LYST: variants seen among roughly 807,000 people sequenced by gnomAD.
The protein encoded by LYST is lysosomal-trafficking regulator.
Under a neutral mutation model 413.6 loss-of-function variants are expected in LYST, and 192 were observed. That is an observed-to-expected ratio of 0.46 (90% CI 0.41 to 0.52). The LOEUF (loss-of-function observed/expected upper bound fraction) is 0.52. LYST is among the 20% of genes least tolerant of loss of function. LYST has a pLI of 0.00. For synonymous variants in LYST, 1,525 were observed against 1,567.3 expected, an observed-to-expected ratio of 0.97 and a Z score of 0.64; for missense variants, 3,815 against 4,499.9, an observed-to-expected ratio of 0.85 and a Z score of 4.35.
intron 25 of LYST, among the ~76,000 whole-genome samples, chr1:235,754,234 T>C (rs575921123): frequency 2.0e-4 from 29 of 143,216 alleles, no homozygotes; most frequent in East Asian, 3.9e-4. Flanking sequence ...CTTTTCTTTT[T>C]TTTTTTTTTT....
intron 49 of LYST, 60 bp downstream of exon 49, chr1:235,677,420 A>C: frequency 6.5e-7 from 1 of 1,542,942 alleles, no homozygotes; most frequent in Non-Finnish European, 9.0e-7. Context: ...TATCTATTTC[A>C]TATAGTAAAA....
At chr1:235,821,076 T>C (rs1270059508) in intron 3 of LYST, among the ~76,000 whole-genome samples, 3 of 152,242 alleles carry the variant, frequency 2.0e-5, no homozygotes, top group Non-Finnish European at 4.4e-5. Flanking sequence ...ATTTAAAACA[T>C]AATATCAAAT....
intron 31 of LYST, chr1:235,737,929 CT>C: frequency 8.5e-7 from 1 of 1,173,404 alleles, no homozygotes; most frequent in Non-Finnish European, 1.1e-6. Flanking sequence ...CTGGATCTCA[CT>C]GCCGCGTGCC....
chr1:235,687,610 G>C (rs768493075), intron 47 of LYST, among the ~76,000 whole-genome samples: 1 of 152,118 alleles, frequency 6.6e-6, no homozygotes, highest in Non-Finnish European at 1.5e-5. Flanking sequence ...ACTCAGGTTT[G>C]AGTCAATTTT....
chr1:235,856,910 C>G (rs909401459), intron 1 of LYST, among the ~76,000 whole-genome samples: 1 of 150,330 alleles, frequency 6.7e-6, no homozygotes, highest in Admixed American at 6.6e-5. Context: ...TGGATATAAG[C>G]AGCTCTTACA....
intron 42 of LYST, chr1:235,713,167 T>TA (rs1380007673): frequency 2.0e-5 from 20 of 983,370 alleles, no homozygotes; most frequent in South Asian, 9.4e-5. Context: ...GGCTGGCCAC[T>TA]AAAAAAAATC....
Position 235,813,055 on chromosome 1 carries a change from T to C in LYST, c.199A>G (p.Thr67Ala). The C allele has an allele frequency of 6.4e-7, 1 of 1,572,286 alleles. No homozygotes were observed. Among genetic ancestry groups the C allele is most frequent in the Non-Finnish European group, 8.8e-7 (1 of 1,142,036 alleles). ...AGAGTCAGGAGTTCTTCTCTACATG[T>C]CAATGCCTATGTCAGTAACAAAAGA... ...KLNSIIDQAL[T>A]CREELLTLLL... Residue 67 changes from threonine (T) to alanine (A), a missense_variant, in exon 4 of 53, where the codon ACA (threonine) becomes GCA (alanine). This residue lies in a region of LYST where 1,648 missense variants were observed against 1,810.3 expected (regional missense o/e 0.91). Coordinates refer to ENST00000389793, the MANE Select transcript of LYST (RefSeq NM_000081.4).
chr1:235,757,633 T>C lies in LYST; in HGVS notation c.6882-175A>G, dbSNP rs142612856. On this transcript the variant is annotated intron_variant, in intron 23 of 52. Coordinates refer to ENST00000389793, the MANE Select transcript of LYST (RefSeq NM_000081.4). ...ACAAATTTACCATCACTTTTTATCA[T>C]TGATTTTTTTGGGCATATAGTCTAC... 1.1e-4 allele frequency among the ~76,000 whole-genome samples: 16 copies of C among 152,346 alleles called. No individual in the cohort carries two copies. In the East Asian group the frequency reaches 1.4e-3, roughly 13 times the overall value.
At chr1:235,765,127 A>G (rs894764885) in intron 21 of LYST, among the ~76,000 whole-genome samples, 10 of 152,078 alleles carry the variant, frequency 6.6e-5, no homozygotes, top group Admixed American at 5.9e-4. Flanking sequence ...TTCCTTCTTC[A>G]TGCTGTAACC....
chr1:235,738,491 T>A, intron 31 of LYST: 1 of 1,612,304 alleles, frequency 6.2e-7, no homozygotes, highest in Non-Finnish European at 8.5e-7. Context: ...GTGGTTGCAA[T>A]CTGGACTCAG....
chr1:235,691,944 C>T (rs1398052450), intron 47 of LYST, among the ~76,000 whole-genome samples: 1 of 151,190 alleles, frequency 6.6e-6, no homozygotes, highest in East Asian at 2.0e-4. Context: ...GTGATCCCCG[C>T]ACCTTGGCCT....
chr1:235,837,811 C>G (rs1676733393), intron 1 of LYST, among the ~76,000 whole-genome samples: 1 of 150,682 alleles, frequency 6.6e-6, no homozygotes, highest in Admixed American at 6.6e-5. Context: ...AGTTCTGCCA[C>G]AAAGCATGCA....
rs1419762394 is a variant in LYST, at chr1:235,804,683, A to G, written c.3394-18T>C. ...GACAAGTTCTAAGGTAAAATAAAAG[A>G]GACTAAGAATATTAATAACCATTTT... On this transcript the variant is annotated intron_variant, in intron 6 of 52. Coordinates refer to ENST00000389793, the MANE Select transcript of LYST (RefSeq NM_000081.4). 3 of 1,445,372 alleles carry G rather than the reference A, an allele frequency of 2.1e-6. No individual in the cohort carries two copies. The African/African-American group carries it at 4.2e-5, about 20-fold the overall frequency. 89.5% of individuals were successfully genotyped at this position (1,445,372 alleles called of 1,614,324 possible). A position where few individuals can be genotyped will look rare whatever the true frequency, so the allele number is the denominator to read the frequency against.
chr1:235,663,165 A>C lies in LYST; in HGVS notation c.11268-87T>G, dbSNP rs564330632. 242 of 921,786 alleles carry C rather than the reference A, an allele frequency of 2.6e-4. No homozygotes were observed. In the African/African-American group the frequency reaches 3.4e-3, roughly 13 times the overall value. The allele number at this position is 921,786 out of a possible 1,614,324, so 57.1% of individuals were successfully genotyped here. ...GGTCATCATACTGAGGTTAGTGTAAAGAAGTTATCTTCAGTGGCGCAGAGA... is the reference window on the plus strand; with the variant it reads ...GGTCATCATACTGAGGTTAGTGTAACGAAGTTATCTTCAGTGGCGCAGAGA... On this transcript the variant is annotated intron_variant, in intron 52 of 52. Coordinates refer to ENST00000389793, the MANE Select transcript of LYST (RefSeq NM_000081.4).
intron 48 of LYST, among the ~76,000 whole-genome samples, chr1:235,680,760 G>A (rs1331422886): frequency 6.6e-6 from 1 of 151,940 alleles, no homozygotes; most frequent in Admixed American, 6.6e-5. Flanking sequence ...CACCACGCCC[G>A]GCTAATTTTT....
intron 1 of LYST, among the ~76,000 whole-genome samples, chr1:235,882,237 C>T (rs573441373): frequency 2.6e-5 from 4 of 152,144 alleles, no homozygotes; most frequent in South Asian, 4.1e-4. Context: ...ATATTCCAGG[C>T]TGAGGGAATA....
chr1:235,791,515 A>C, intron 12 of LYST, 184 bp downstream of exon 12: 1 of 612,192 alleles, frequency 1.6e-6, no homozygotes, highest in Non-Finnish European at 2.9e-6. Flanking sequence ...TTTCCGTAAT[A>C]GAGATTCAAG....
At chr1:235,745,368 G>C (rs1665816451) in intron 29 of LYST, among the ~76,000 whole-genome samples, 1 of 152,002 alleles carries the variant, frequency 6.6e-6, no homozygotes, top group Admixed American at 6.6e-5. Context: ...AAACCACAAT[G>C]AGATATCACT....
intron 15 of LYST, 90 bp from the exon 16 acceptor site, chr1:235,781,145 G>A: frequency 1.2e-6 from 1 of 831,320 alleles, no homozygotes; most frequent in Non-Finnish European, 2.0e-6. Context: ...ATTTTTTGTA[G>A]CCAGATTCTT....
Sources: gnomAD v4.1 joint callset for allele counts (sites outside exome capture counted in the v4.1 genomes callset) on GRCh38, gnomAD v4.1.1 for gene constraint, gnomAD v4.1.1 regional missense constraint, MANE v1.5 for transcripts, NCBI Gene and HGNC (gene_info 2026-07-23, HGNC 2026-07-21) for gene names.